CSMD1: variants seen among roughly 807,000 people sequenced by gnomAD.
CSMD1 encodes the protein CUB and sushi domain-containing protein 1.
In CSMD1, 213 loss-of-function variants were observed where a neutral mutation model predicts 417.5. That is an observed-to-expected ratio of 0.51 (90% CI 0.46 to 0.57). The LOEUF (loss-of-function observed/expected upper bound fraction) is 0.57. CSMD1 is among the 20% of genes least tolerant of loss of function. CSMD1 has a pLI of 0.00. For missense variants in CSMD1, 6,923 were observed against 4,529.7 expected (o/e 1.53, Z -15.17); for synonymous variants, 2,862 against 1,736.8 (o/e 1.65, Z -16.11).
intron 1 of CSMD1, among the ~76,000 whole-genome samples, chr8:4,933,200 C>G (rs11988188): frequency 1.0e-3 from 159 of 152,120 alleles, no homozygotes; most frequent in African/African-American, 3.7e-3. Flanking sequence ...CTCCCTCCCT[C>G]TCTTCTGTCT....
intron 3 of CSMD1, among the ~76,000 whole-genome samples, chr8:4,041,072 A>G (rs10866961): frequency 0.75 from 104,066 of 139,472 alleles, 38,639 homozygotes; most frequent in Middle Eastern, 0.8. Flanking sequence ...GCTGGAGTGC[A>G]GTGGCGCGAT....
chr8:3,799,056 TTAAA>T (rs1233117900), intron 5 of CSMD1, among the ~76,000 whole-genome samples: 8 of 152,092 alleles, frequency 5.3e-5, no homozygotes, highest in African/African-American at 1.4e-4. Flanking sequence ...TATAGTATGC[TTAAA>T]TAATTAGAAC....
intron 25 of CSMD1, among the ~76,000 whole-genome samples, chr8:3,293,882 C>T (rs897602709): frequency 6.6e-5 from 10 of 152,136 alleles, no homozygotes; most frequent in Non-Finnish European, 2.9e-5. Flanking sequence ...GAGCTGTGTT[C>T]CTTTGGAGGA....
chr8:4,336,945 A>G (rs1800208376), intron 3 of CSMD1, among the ~76,000 whole-genome samples: 1 of 152,100 alleles, frequency 6.6e-6, no homozygotes, highest in Non-Finnish European at 1.5e-5. Flanking sequence ...GTAGGCTACA[A>G]TGTTGAAATG....
chr8:4,029,496 TGA>T (rs1229036579), intron 4 of CSMD1, among the ~76,000 whole-genome samples: 1 of 152,132 alleles, frequency 6.6e-6, no homozygotes, highest in African/African-American at 2.4e-5. Context: ...CATCAGATCT[TGA>T]GAGACTTATT....
At chr8:3,082,698 C>T (rs1300688213) in intron 49 of CSMD1, among the ~76,000 whole-genome samples, 1 of 152,210 alleles carries the variant, frequency 6.6e-6, no homozygotes, top group East Asian at 1.9e-4. Flanking sequence ...TGTACAAAAA[C>T]AGACACATAG....
intron 5 of CSMD1, among the ~76,000 whole-genome samples, chr8:3,790,369 G>A (rs375415959): frequency 2.0e-5 from 3 of 152,044 alleles, no homozygotes; most frequent in African/African-American, 4.8e-5. Flanking sequence ...GATAGTGACG[G>A]TGATGGTTAT....
chr8:4,984,894 T>C (rs886331919), intron 1 of CSMD1, among the ~76,000 whole-genome samples: 2 of 152,202 alleles, frequency 1.3e-5, no homozygotes, highest in South Asian at 4.1e-4. Flanking sequence ...ATGTGATATA[T>C]GTGCTAGCAT....
rs536061534 is a variant in CSMD1 at position 3,815,719 on chromosome 8, G to C, written c.819-61677C>G. 3.6e-4 allele frequency among the ~76,000 whole-genome samples: 54 copies of C among 150,780 alleles called. 1 individual carries two copies. In the South Asian group the frequency reaches 9.8e-3, roughly 27 times the overall value. ...ACTTTTTCATACTCTGAATTCTTTG[G>C]ACTTGGAGATTCTCATGTACATAAC... On this transcript the variant is annotated intron_variant, in intron 5 of 69. Coordinates refer to ENST00000635120, the MANE Select transcript of CSMD1 (RefSeq NM_033225.6).
chr8:3,942,148 G>T (rs1010082346), intron 5 of CSMD1, among the ~76,000 whole-genome samples: 2 of 151,850 alleles, frequency 1.3e-5, no homozygotes, highest in African/African-American at 4.8e-5. Flanking sequence ...CCCCCAGATG[G>T]GACCATCTAG....
intron 5 of CSMD1, among the ~76,000 whole-genome samples, chr8:3,954,806 C>A (rs898951724): frequency 6.6e-6 from 1 of 151,864 alleles, no homozygotes; most frequent in Non-Finnish European, 1.5e-5. Flanking sequence ...AGCCTCCTTG[C>A]CCCTCGGAAG....
At chr8:4,255,027 C>G (rs542247147) in intron 3 of CSMD1, among the ~76,000 whole-genome samples, 2 of 152,172 alleles carry the variant, frequency 1.3e-5, no homozygotes, top group African/African-American at 4.8e-5. Flanking sequence ...CCAATCCCCT[C>G]GTACCATAGA....
At chr8:2,960,962 A>G (rs1227504589) in intron 62 of CSMD1, among the ~76,000 whole-genome samples, 179 bp downstream of exon 62, 1 of 116,614 alleles carries the variant, frequency 8.6e-6, no homozygotes, top group Non-Finnish European at 1.7e-5. Flanking sequence ...ATATATATAT[A>G]TATACATATA....
At chr8:4,181,437 A>G (rs1245101954) in intron 3 of CSMD1, among the ~76,000 whole-genome samples, 1 of 152,050 alleles carries the variant, frequency 6.6e-6, no homozygotes. Flanking sequence ...GCAACATTGG[A>G]AAAAGAACTG....
At chr8:3,539,985 C>T (rs1798370258) in intron 10 of CSMD1, among the ~76,000 whole-genome samples, 1 of 152,082 alleles carries the variant, frequency 6.6e-6, no homozygotes, top group Non-Finnish European at 1.5e-5. Context: ...CTTCTAAAGC[C>T]TGCTTATATT....
At chr8:4,175,595 T>C (rs572855752) in intron 3 of CSMD1, among the ~76,000 whole-genome samples, 41 of 152,246 alleles carry the variant, frequency 2.7e-4, no homozygotes, top group Non-Finnish European at 4.6e-4. Context: ...AGAGTAAATA[T>C]ACAATGATCA....
intron 6 of CSMD1, among the ~76,000 whole-genome samples, chr8:3,712,395 AG>A (rs1563299899): frequency 3.6e-4 from 13 of 36,058 alleles, no homozygotes; most frequent in Admixed American, 1.6e-3. Flanking sequence ...AGAGAGAGAG[AG>A]AGAGACAGAC....
rs1802979980 is a variant in CSMD1, at chr8:3,839,584, T to A, written c.819-85542A>T. Among the ~76,000 whole-genome samples the A allele has an allele frequency of 6.1e-5, 8 of 130,234 alleles. No individual in the cohort carries two copies. The South Asian group carries it at 1.8e-3, about 29-fold the overall frequency. The allele number at this position is 130,234 out of a possible 152,430, so 85.4% of individuals were successfully genotyped here. On this transcript the variant is annotated intron_variant, in intron 5 of 69. Transcript: ENST00000635120. ...TAATATATAATATTAATTTATTATA[T>A]ATATTAATATGATATATATAGTTGC...
At chr8:4,036,557 T>C (rs538103393) in intron 3 of CSMD1, among the ~76,000 whole-genome samples, 1 of 152,348 alleles carries the variant, frequency 6.6e-6, no homozygotes, top group Admixed American at 6.5e-5. Context: ...ATTTATTCTG[T>C]TCAATTTCAT....
Sources: gnomAD v4.1 joint callset for allele counts (sites outside exome capture counted in the v4.1 genomes callset) on GRCh38, gnomAD v4.1.1 for gene constraint, MANE v1.5 for transcripts, NCBI Gene and HGNC (gene_info 2026-07-23, HGNC 2026-07-21) for gene names.